CUX1: variants seen among roughly 807,000 people sequenced by gnomAD.
The protein encoded by CUX1 is cut like homeobox 1, also known as protein CASP.
CUX1 carries 31 observed loss-of-function variants against 158.8 expected under a neutral mutation model. The ratio of observed to expected loss-of-function variants is 0.20; its 90% CI spans 0.15 to 0.26. CUX1 has a LOEUF of 0.26. Ranked by LOEUF, CUX1 falls within the 10% of genes least tolerant of loss-of-function variation. CUX1 has a pLI of 1.00. For synonymous variants in CUX1, 879 were observed against 862.1 expected (o/e 1.02, Z -0.34); for missense variants, 1,589 against 2,014.6 (o/e 0.79, Z 4.04).
intron 11 of CUX1, among the ~76,000 whole-genome samples, chr7:102,188,305 A>G (rs1319470543): frequency 1.3e-5 from 2 of 152,184 alleles, no homozygotes; most frequent in Non-Finnish European, 1.5e-5. Flanking sequence ...GCTTGGAAAC[A>G]TGCTGAATGG....
chr7:101,944,065 A>C (rs938660193), intron 2 of CUX1, among the ~76,000 whole-genome samples: 6 of 151,672 alleles, frequency 4.0e-5, no homozygotes, highest in African/African-American at 1.5e-4. Flanking sequence ...TTTTTTCTTC[A>C]GTTGACTGGG....
intron 2 of CUX1, among the ~76,000 whole-genome samples, chr7:102,014,870 A>G (rs1563131982): frequency 1.3e-5 from 2 of 151,724 alleles, no homozygotes; most frequent in Non-Finnish European, 1.5e-5. Flanking sequence ...AAAAAAAAAA[A>G]AAAAGAAAAA....
intron 1 of CUX1, among the ~76,000 whole-genome samples, chr7:101,877,367 C>T (rs1349509212): frequency 6.6e-6 from 1 of 152,202 alleles, no homozygotes; most frequent in African/African-American, 2.4e-5. Flanking sequence ...GCCATGCACA[C>T]TCTTGTGCAA....
At chr7:101,867,791 C>G (rs1175678505) in intron 1 of CUX1, among the ~76,000 whole-genome samples, 1 of 152,000 alleles carries the variant, frequency 6.6e-6, no homozygotes, top group Non-Finnish European at 1.5e-5. Flanking sequence ...CACGGAAAAT[C>G]AAATCAACTC....
At chr7:102,132,273 C>T (rs558980179) in intron 8 of CUX1, among the ~76,000 whole-genome samples, 19 of 150,076 alleles carry the variant, frequency 1.3e-4, no homozygotes, top group African/African-American at 4.6e-4. Flanking sequence ...AAAATATTTG[C>T]AATATATATG....
At chr7:102,049,470 G>C (rs1295754144) in intron 3 of CUX1, among the ~76,000 whole-genome samples, 1 of 152,176 alleles carries the variant, frequency 6.6e-6, no homozygotes, top group Non-Finnish European at 1.5e-5. Flanking sequence ...AGCCTGAAGA[G>C]TGTCTTATAA....
At position 101,825,798 on chromosome 7, in the gene CUX1, T is replaced by TGCGC. The variant is rs72447961; in HGVS notation, c.30+8140_30+8143dup. ...GTGTGTGTGTGTGTGTGTGTGTGTGTGCGCGCGCGCGCGCAGTTAGTCTTC... is the reference window on the plus strand; with the variant it reads ...GTGTGTGTGTGTGTGTGTGTGTGTGTGCGCGCGCGCGCGCGCGCAGTTAGTCTTC... On this transcript the variant is annotated intron_variant, in intron 1 of 23. Transcript: ENST00000292535. Among the ~76,000 whole-genome samples, 32 of 78,412 alleles carry TGCGC rather than the reference T, an allele frequency of 4.1e-4. 2 individuals carry two copies. Among genetic ancestry groups the TGCGC allele is most frequent in the South Asian group, 2.0e-3 (5 of 2,488 alleles). 51.4% of individuals were successfully genotyped at this position (78,412 alleles called of 152,430 possible). A position where few individuals can be genotyped will look rare whatever the true frequency, so the allele number is the denominator to read the frequency against.
chr7:102,019,900 G>A (rs1423455518), intron 2 of CUX1, among the ~76,000 whole-genome samples: 4 of 152,194 alleles, frequency 2.6e-5, no homozygotes, highest in Non-Finnish European at 5.9e-5. Flanking sequence ...AAAGCAGCGT[G>A]GCGGGTTATA....
intron 3 of CUX1, among the ~76,000 whole-genome samples, chr7:102,030,279 T>C (rs1158830621): frequency 6.6e-6 from 1 of 152,194 alleles, no homozygotes; most frequent in Non-Finnish European, 1.5e-5. Context: ...CCCAAAGTGC[T>C]GGGATTACAG....
chr7:102,282,936 C>A, intron 22 of CUX1: 3 of 890,200 alleles, frequency 3.4e-6, no homozygotes, highest in Admixed American at 4.0e-5. Context: ...ATCCACTACC[C>A]CCTAGCCCCA....
intron 11 of CUX1, among the ~76,000 whole-genome samples, chr7:102,182,927 G>A (rs1000109387): frequency 6.6e-6 from 1 of 152,192 alleles, no homozygotes; most frequent in African/African-American, 2.4e-5. Flanking sequence ...TTCTAGAGAT[G>A]CGTTAAAGAT....
At chr7:101,819,167 T>C (rs1562880803) in intron 1 of CUX1, among the ~76,000 whole-genome samples, 1 of 152,274 alleles carries the variant, frequency 6.6e-6, no homozygotes, top group African/African-American at 2.4e-5. Flanking sequence ...TTCAGTGCTT[T>C]GGTATTGCTA....
At chr7:101,849,802 G>A (rs1047222880) in intron 1 of CUX1, among the ~76,000 whole-genome samples, 9 of 151,198 alleles carry the variant, frequency 6.0e-5, no homozygotes, top group African/African-American at 2.2e-4. Context: ...CACCAACCGT[G>A]TATATAAGTG....
rs112146258 is a variant in CUX1, at chr7:101,964,308, A to G, written c.141+48083A>G. 6.6e-5 allele frequency among the ~76,000 whole-genome samples: 10 copies of G among 152,178 alleles called. 1 individual carries two copies. Among genetic ancestry groups the G allele is most frequent in the African/African-American group, 2.4e-4 (10 of 41,530 alleles). On this transcript the variant is annotated intron_variant, in intron 2 of 23. Transcript: ENST00000292535. ...GCGGAGGTTGCAGTGAGCTGAGATC[A>G]TGACAGTGCACTCCAGCCTGGGCAA... is the stretch of plus-strand genomic sequence containing the variant.
At chr7:102,186,277 G>A (rs1283853185) in intron 11 of CUX1, among the ~76,000 whole-genome samples, 4 of 152,108 alleles carry the variant, frequency 2.6e-5, no homozygotes, top group Admixed American at 6.5e-5. Context: ...GGTTACAGGC[G>A]CTCCGGCAGT....
Position 102,248,669 on chromosome 7 carries a change from G to C in CUX1, c.4145G>C (p.Gly1382Ala). 1 of 1,325,188 alleles carries C rather than the reference G, an allele frequency of 7.5e-7. No individual in the cohort carries two copies. Among genetic ancestry groups the C allele is most frequent in the Non-Finnish European group, 9.6e-7 (1 of 1,037,978 alleles). 82.1% of individuals were successfully genotyped at this position (1,325,188 alleles called of 1,614,324 possible). ...GAGCCGCCGCCCTCGGGGACCCCGG[G>C]CCCGGACGACGCCCGCGACGACGAC... is the stretch of plus-strand genomic sequence containing the variant. ...QTEPPPSGTP[G>A]PDDARDDDHE... Residue 1382 changes from glycine (G) to alanine (A), a missense_variant, in exon 24 of 24, where the codon GGC (glycine) becomes GCC (alanine). By Grantham distance (60) the Gly-to-Ala change is moderately conservative. This residue lies in a region of CUX1 where 344 missense variants were observed against 323.7 expected (regional missense o/e 1.06). Transcript: ENST00000292535. This position sits in a 1 kb window ranked among gnomAD's most constrained non-coding sequence, Gnocchi z 5.8.
intron 8 of CUX1, among the ~76,000 whole-genome samples, chr7:102,132,672 TTGCTTTTC>T (rs1554497667): frequency 7.4e-6 from 1 of 134,704 alleles, no homozygotes; most frequent in Admixed American, 7.9e-5. Flanking sequence ...TTGTTTTTCT[TTGCTTTTC>T]TTTTTTTTTT....
chr7:101,995,645 G>C (rs1815753430), intron 2 of CUX1, among the ~76,000 whole-genome samples: 1 of 152,218 alleles, frequency 6.6e-6, no homozygotes, highest in Admixed American at 6.5e-5. Flanking sequence ...TCAAGAATTA[G>C]AGTTACTCGT....
At chr7:102,176,967 C>G (rs572879348) in intron 10 of CUX1, among the ~76,000 whole-genome samples, 1 of 148,484 alleles carries the variant, frequency 6.7e-6, no homozygotes, top group South Asian at 2.1e-4. Context: ...TTTTTAATAC[C>G]TTAGCTTTTT....
Sources: gnomAD v4.1 joint callset for allele counts (sites outside exome capture counted in the v4.1 genomes callset) on GRCh38, gnomAD v4.1.1 for gene constraint, gnomAD v4.1.1 regional missense constraint, Gnocchi (gnomAD v3.1) non-coding constraint, MANE v1.5 for transcripts, NCBI Gene and HGNC (gene_info 2026-07-23, HGNC 2026-07-21) for gene names.